MTUS2: variants seen among roughly 807,000 people sequenced by gnomAD.
MTUS2 encodes the protein microtubule associated scaffold protein 2, also known as microtubule-associated tumor suppressor candidate 2.
MTUS2 carries 40 observed loss-of-function variants against 114.1 expected under a neutral mutation model. The ratio of observed to expected loss-of-function variants is 0.35; its 90% confidence interval spans 0.27 to 0.46. MTUS2 has a LOEUF of 0.46. Ranked by LOEUF, MTUS2 falls within the 20% of genes least tolerant of loss-of-function variation. MTUS2 has a pLI of 1.00. For synonymous variants in MTUS2, 688 were observed against 672.0 expected, an observed-to-expected ratio of 1.02 and a Z score of -0.37; for missense variants, 1,679 against 1,705.4, an observed-to-expected ratio of 0.98 and a Z score of 0.27.
rs148612584 is a variant in MTUS2 at position 28,947,152 on chromosome 13, G to T, written c.-242-77305G>T. ...CATAAGATTTTATATTACTTTATCC[G>T]ACTGCCTCAATTTGAGCCTTGAATT... On this transcript the variant is annotated intron_variant, in intron 2 of 15. Transcript: ENST00000612955. Among the ~76,000 whole-genome samples, 238 of 152,188 alleles carry T rather than the reference G, an allele frequency of 1.6e-3. 1 individual carries two copies. Among genetic ancestry groups the T allele is most frequent in the African/African-American group, 5.3e-3 (222 of 41,520 alleles).
At chr13:29,088,879 A>G (rs759746628) in intron 4 of MTUS2, among the ~76,000 whole-genome samples, 8 of 152,164 alleles carry the variant, frequency 5.3e-5, no homozygotes, top group Non-Finnish European at 1.0e-4. Context: ...TCTCTTGAAG[A>G]CAGCACACAG....
At chr13:29,145,099 G>A (rs527654617) in intron 5 of MTUS2, among the ~76,000 whole-genome samples, 2 of 152,246 alleles carry the variant, frequency 1.3e-5, no homozygotes, top group African/African-American at 2.4e-5. Flanking sequence ...CTTTAGTGTT[G>A]TGCTATTGAC....
At chr13:29,212,071 A>G (rs1895465193) in intron 5 of MTUS2, among the ~76,000 whole-genome samples, 1 of 152,024 alleles carries the variant, frequency 6.6e-6, no homozygotes, top group South Asian at 2.1e-4. Flanking sequence ...TTCATTGTGT[A>G]TGTGTTTAGT....
chr13:29,352,035 C>T (rs1869331981), intron 7 of MTUS2, among the ~76,000 whole-genome samples: 3 of 152,186 alleles, frequency 2.0e-5, no homozygotes, highest in African/African-American at 4.8e-5. Context: ...ACCCCATCTG[C>T]CTATTCTCTT....
intron 2 of MTUS2, among the ~76,000 whole-genome samples, chr13:28,992,902 C>T: frequency 6.6e-6 from 1 of 152,158 alleles, no homozygotes; most frequent in East Asian, 1.9e-4. Context: ...TCCCCACAGC[C>T]CCTGGCAATG....
intron 2 of MTUS2, among the ~76,000 whole-genome samples, chr13:28,993,811 T>C (rs1884965688): frequency 6.6e-6 from 1 of 152,108 alleles, no homozygotes; most frequent in South Asian, 2.1e-4. Context: ...TTTGCTTGGT[T>C]GATTTTCTTT....
In MTUS2 at chr13:28,953,858, TAGACAGCCAAAGGTGTC is replaced by T. The variant is rs1233804590; in HGVS notation, c.-242-70596_-242-70580del. Reference sequence around the variant, plus strand: ...AGGACCAAATTAATTTTGTTCCAAATAGACAGCCAAAGGTGTCAGCACCATTTATTTGAGTCCCAAAA... The same window carrying T: ...AGGACCAAATTAATTTTGTTCCAAATAGCACCATTTATTTGAGTCCCAAAA... On this transcript the variant is annotated intron_variant, in intron 2 of 15. Coordinates refer to ENST00000612955, the MANE Select transcript of MTUS2 (RefSeq NM_001033602.4). 3.3e-5 allele frequency among the ~76,000 whole-genome samples: 5 copies of T among 152,296 alleles called. No individual in the cohort carries two copies. The East Asian group carries it at 9.7e-4, about 29-fold the overall frequency.
chr13:29,389,331 A>ATATGTATACACGTGTGTGTG (rs1566172365), intron 8 of MTUS2, among the ~76,000 whole-genome samples: 4 of 69,248 alleles, frequency 5.8e-5, no homozygotes, highest in Non-Finnish European at 1.4e-4. Flanking sequence ...ATATGTGTGT[A>ATATGTATACACGTGTGTGTG]TATATGTATG....
At chr13:29,372,610 A>T (rs1180179551) in intron 8 of MTUS2, among the ~76,000 whole-genome samples, 6 of 152,204 alleles carry the variant, frequency 3.9e-5, no homozygotes, top group Admixed American at 3.3e-4. Context: ...GCAGGTGGTT[A>T]TTAAGTGACA....
At chr13:29,046,697 T>A (rs1248823199) in intron 4 of MTUS2, among the ~76,000 whole-genome samples, 1 of 152,216 alleles carries the variant, frequency 6.6e-6, no homozygotes, top group African/African-American at 2.4e-5. Flanking sequence ...GATCAATCTT[T>A]TATTCTTTGA....
At chr13:29,016,125 A>G (rs1330480136) in intron 2 of MTUS2, among the ~76,000 whole-genome samples, 1 of 152,076 alleles carries the variant, frequency 6.6e-6, no homozygotes, top group Non-Finnish European at 1.5e-5. Flanking sequence ...GGCTGGTCTC[A>G]AATTCCTGAC....
intron 2 of MTUS2, among the ~76,000 whole-genome samples, chr13:29,013,583 T>G (rs1885940865): frequency 6.6e-6 from 1 of 152,230 alleles, no homozygotes; most frequent in Admixed American, 6.5e-5. Flanking sequence ...AGTTTCCCAG[T>G]GGCTTCTTTT....
intron 2 of MTUS2, among the ~76,000 whole-genome samples, chr13:28,961,202 A>C (rs1566253972): frequency 6.6e-6 from 1 of 152,202 alleles, no homozygotes; most frequent in Non-Finnish European, 1.5e-5. Flanking sequence ...GATGGACTTA[A>C]AAATTACTCA....
At chr13:29,113,826 C>A (rs1036166244) in intron 5 of MTUS2, among the ~76,000 whole-genome samples, 6 of 151,988 alleles carry the variant, frequency 3.9e-5, no homozygotes, top group Non-Finnish European at 7.4e-5. Flanking sequence ...GGATGTGTGT[C>A]CCTACCTAAA....
Position 29,026,013 on chromosome 13 carries a change from T to G in MTUS2, c.1315T>G (p.Phe439Val). Residue 439 changes from phenylalanine (F) to valine (V), a missense_variant, in exon 3 of 16, where the codon TTT becomes GTT. Around this residue, in one of 3 missense-constraint regions of MTUS2, gnomAD observed 843 missense variants for 770.8 expected, o/e 1.09. Transcript: ENST00000612955. The part of the protein sequence containing the change: ...SFSPGDSHVA[F>V]IPNNLTDSKP... ...TTCACCAGGTGACAGTCATGTGGCT[T>G]TTATTCCTAATAATCTGACTGACAG... is the stretch of plus-strand genomic sequence containing the variant. The G allele has an allele frequency of 6.2e-7, 1 of 1,614,012 alleles. No homozygotes were observed. The highest frequency in any genetic ancestry group is 8.5e-7 in the Non-Finnish European group (1 of 1,179,894).
chr13:29,445,496 G>A (rs1878210155), intron 9 of MTUS2, among the ~76,000 whole-genome samples: 1 of 152,200 alleles, frequency 6.6e-6, no homozygotes, highest in African/African-American at 2.4e-5. Context: ...ATGATGCATA[G>A]AGCAAGGTAT....
chr13:29,505,753 C>G lies in MTUS2; in HGVS notation c.*2547C>G, dbSNP rs1301110747. 1 of 229,022 alleles carries G rather than the reference C, an allele frequency of 4.4e-6. No homozygotes were observed. Among genetic ancestry groups the G allele is most frequent in the Non-Finnish European group, 8.7e-6 (1 of 115,562 alleles). 14.2% of individuals were successfully genotyped at this position (229,022 alleles called of 1,614,324 possible). ...TGGGAGATGCGTGGGCGGCCTGCCCCCCGACCGCCGCCCCTGCCCACCACA... is the reference window on the plus strand; with the variant it reads ...TGGGAGATGCGTGGGCGGCCTGCCCGCCGACCGCCGCCCCTGCCCACCACA... On this transcript the variant is annotated 3_prime_UTR_variant, in exon 16 of 16. Transcript: ENST00000612955.
Position 29,238,739 on chromosome 13 carries a change from A to G in MTUS2, c.2645-42965A>G, listed in dbSNP as rs966558251. Among the ~76,000 whole-genome samples, 4 of 152,302 alleles carry G rather than the reference A, an allele frequency of 2.6e-5. No individual in the cohort carries two copies. In the East Asian group the frequency reaches 7.7e-4, roughly 29 times the overall value. ...ATCTCCTTTGGCAACACCCTCACAG[A>G]CACACTCAGGAACAATACTTTGCAT... On this transcript the variant is annotated intron_variant, in intron 5 of 15. Coordinates refer to ENST00000612955, the MANE Select transcript of MTUS2 (RefSeq NM_001033602.4).
intron 4 of MTUS2, among the ~76,000 whole-genome samples, chr13:29,037,902 G>C (rs1168579619): frequency 2.6e-5 from 4 of 152,112 alleles, no homozygotes; most frequent in Admixed American, 2.6e-4. Context: ...ATTCTAGTTA[G>C]CAATTCATCT....
Sources: gnomAD v4.1 joint callset for allele counts (sites outside exome capture counted in the v4.1 genomes callset) on GRCh38, gnomAD v4.1.1 for gene constraint, gnomAD v4.1.1 regional missense constraint, MANE v1.5 for transcripts, NCBI Gene and HGNC (gene_info 2026-07-23, HGNC 2026-07-21) for gene names.